Variants in PEBP4 observed in about 807,000 individuals in gnomAD.
PEBP4 encodes the protein phosphatidylethanolamine-binding protein 4.
In PEBP4, 22 loss-of-function variants were observed where a neutral mutation model predicts 23.9. The ratio of observed to expected loss-of-function variants is 0.92; its 90% CI spans 0.66 to 1.31. The LOEUF (loss-of-function observed/expected upper bound fraction) is 1.31. Ranked by LOEUF, PEBP4 falls within the 40% of genes most tolerant of loss-of-function variation. The pLI is 0.00. For synonymous variants in PEBP4, 112 were observed against 99.3 expected, an observed-to-expected ratio of 1.13 and a Z score of -0.76; for missense variants, 324 against 281.7, an observed-to-expected ratio of 1.15 and a Z score of -1.07.
intron 3 of PEBP4, among the ~76,000 whole-genome samples, chr8:22,872,259 C>G (rs900438736): frequency 6.6e-6 from 1 of 152,216 alleles, no homozygotes; most frequent in Non-Finnish European, 1.5e-5. Context: ...GTCTTTTTAA[C>G]TCTATCCATT....
chr8:22,923,482 G>A (rs1242438296), intron 2 of PEBP4, among the ~76,000 whole-genome samples: 5 of 152,154 alleles, frequency 3.3e-5, no homozygotes, highest in South Asian at 2.1e-4. Context: ...TGGGAGGATC[G>A]CTTGAGTCTG....
intron 4 of PEBP4, among the ~76,000 whole-genome samples, chr8:22,742,847 T>C (rs759544511): frequency 6.6e-6 from 1 of 152,216 alleles, no homozygotes; most frequent in Non-Finnish European, 1.5e-5. Flanking sequence ...ATGGAGCTCC[T>C]GCTAGGTGCC....
chr8:22,839,006 C>T (rs376338551), intron 3 of PEBP4, among the ~76,000 whole-genome samples: 1 of 152,090 alleles, frequency 6.6e-6, no homozygotes, highest in African/African-American at 2.4e-5. Flanking sequence ...ACCATGCCTT[C>T]GCTACAGGCA....
intron 3 of PEBP4, among the ~76,000 whole-genome samples, chr8:22,900,204 G>A (rs753171336): frequency 1.3e-5 from 2 of 152,168 alleles, no homozygotes; most frequent in Non-Finnish European, 2.9e-5. Flanking sequence ...GGGAGGTCAC[G>A]AATCCCACAG....
At chr8:22,717,454 G>T (rs911774983) in intron 6 of PEBP4, among the ~76,000 whole-genome samples, 6 of 57,904 alleles carry the variant, frequency 1.0e-4, no homozygotes, top group Admixed American at 4.4e-4. Context: ...CCGTCCTGAT[G>T]TATTTCCATC....
At chr8:22,921,295 G>A (rs909697962) in intron 2 of PEBP4, among the ~76,000 whole-genome samples, 1 of 152,214 alleles carries the variant, frequency 6.6e-6, no homozygotes, top group African/African-American at 2.4e-5. Context: ...GGGTGTTGCA[G>A]GTCCCCAGCC....
chr8:22,746,445 T>C (rs1285663992), intron 4 of PEBP4, among the ~76,000 whole-genome samples: 1 of 151,476 alleles, frequency 6.6e-6, no homozygotes, highest in Non-Finnish European at 1.5e-5. Flanking sequence ...GTGGGGAGAG[T>C]GTTAGTCTCC....
At chr8:22,851,573 C>T (rs914861652) in intron 3 of PEBP4, among the ~76,000 whole-genome samples, 4 of 152,136 alleles carry the variant, frequency 2.6e-5, no homozygotes, top group Admixed American at 2.0e-4. Context: ...TCTTCTAACT[C>T]ATGTTGCGGT....
At chr8:22,835,436 A>G (rs1198356696) in intron 3 of PEBP4, among the ~76,000 whole-genome samples, 1 of 152,176 alleles carries the variant, frequency 6.6e-6, no homozygotes, top group Non-Finnish European at 1.5e-5. Flanking sequence ...GCTTCCTAGC[A>G]TCTTTGGTGG....
intron 4 of PEBP4, among the ~76,000 whole-genome samples, chr8:22,807,641 CT>C: frequency 6.6e-6 from 1 of 152,248 alleles, no homozygotes; most frequent in East Asian, 1.9e-4. Context: ...AAATGTTGAG[CT>C]TTTAATTACG....
chr8:22,727,310 G>GAGGAGGATGGGAGAGGA, intron 4 of PEBP4, 90 bp from the exon 5 acceptor site: 1 of 1,279,656 alleles, frequency 7.8e-7, no homozygotes, highest in Non-Finnish European at 1.1e-6. Flanking sequence ...CTCTCTGCAG[G>GAGGAGGATGGGAGAGGA]AGGAGGATGG....
At chr8:22,817,051 C>T (rs987687025) in intron 4 of PEBP4, among the ~76,000 whole-genome samples, 1 of 152,224 alleles carries the variant, frequency 6.6e-6, no homozygotes, top group Non-Finnish European at 1.5e-5. Flanking sequence ...TTTGAGGACC[C>T]TCCCTGAAGA....
At chr8:22,861,190 C>T (rs1807772208) in intron 3 of PEBP4, among the ~76,000 whole-genome samples, 2 of 152,152 alleles carry the variant, frequency 1.3e-5, no homozygotes, top group African/African-American at 2.4e-5. Context: ...CAAGCCTTCA[C>T]CAGTGGAGTG....
intron 4 of PEBP4, among the ~76,000 whole-genome samples, chr8:22,755,083 C>T (rs10503718): frequency 0.49 from 73,929 of 152,048 alleles, 19,298 homozygotes; most frequent in Middle Eastern, 0.6. Flanking sequence ...CATTATTCCA[C>T]TCCCGGGTTT....
intron 4 of PEBP4, among the ~76,000 whole-genome samples, chr8:22,735,767 A>T (rs146704022): frequency 6.6e-6 from 1 of 152,238 alleles, no homozygotes; most frequent in African/African-American, 2.4e-5. Context: ...AGGTCAGAGC[A>T]GGATGCTGCT....
At chr8:22,925,386 T>A in intron 2 of PEBP4, 1 of 929,608 alleles carries the variant, frequency 1.1e-6, no homozygotes, top group South Asian at 5.0e-5. Context: ...GAGTGTGGAG[T>A]CAGACAAGGG....
intron 6 of PEBP4, 74 bp from the exon 7 acceptor site, chr8:22,713,610 G>C: frequency 6.2e-7 from 1 of 1,601,336 alleles, no homozygotes; most frequent in South Asian, 1.1e-5. Context: ...GGGCCTGAGA[G>C]GGAGGCCGGC....
intron 4 of PEBP4, among the ~76,000 whole-genome samples, chr8:22,784,691 C>G (rs1421005591): frequency 1.3e-5 from 2 of 152,206 alleles, no homozygotes; most frequent in African/African-American, 2.4e-5. Context: ...TGAATTGTGA[C>G]AAGTTATTAG....
intron 4 of PEBP4, among the ~76,000 whole-genome samples, chr8:22,812,938 TCA>T (rs940590131): frequency 3.7e-4 from 56 of 152,276 alleles, no homozygotes; most frequent in African/African-American, 1.3e-3. Flanking sequence ...TCTGTCAGTT[TCA>T]CAGAGGCGAA....
Sources: allele counts gnomAD v4.1 joint callset (sites outside exome capture counted in the v4.1 genomes callset), GRCh38; gene constraint gnomAD v4.1.1; transcripts MANE v1.5; gene names NCBI Gene and HGNC (gene_info 2026-07-23, HGNC 2026-07-21).